The following SOBP variants were observed in gnomAD, a reference collection of about 807,000 sequenced individuals.
The protein encoded by SOBP is sine oculis-binding protein homolog.
A neutral mutation model predicts 53.6 loss-of-function variants in SOBP; 4 were observed. That is an observed-to-expected ratio of 0.07 (90% confidence interval 0.04 to 0.17). SOBP has a LOEUF of 0.17. Among genes scored for constraint, SOBP ranks in the 10% least tolerant of loss-of-function variants. SOBP has a pLI of 1.00. For missense variants in SOBP, 1,088 were observed against 1,204.7 expected, an observed-to-expected ratio of 0.90 and a Z score of 1.43; for synonymous variants, 584 against 522.6, an observed-to-expected ratio of 1.12 and a Z score of -1.60.
rs1027491418 is a variant in SOBP at position 107,660,579 on chromosome 6, A to C, written c.*2376A>C. 6.6e-6 allele frequency among the ~76,000 whole-genome samples: 1 copy of C among 151,868 alleles called. No homozygotes were observed. Among genetic ancestry groups the C allele is most frequent in the Non-Finnish European group, 1.5e-5 (1 of 67,980 alleles). On this transcript the variant is annotated 3_prime_UTR_variant, in exon 7 of 7. Transcript: ENST00000317357. ...TCCACTCACATCCACACACCATCTC[A>C]CCCCACTGACTAGAGAGACTTTTAT...
intron 1 of SOBP, among the ~76,000 whole-genome samples, chr6:107,497,184 A>G (rs1207987392): frequency 6.6e-6 from 1 of 152,254 alleles, no homozygotes; most frequent in African/African-American, 2.4e-5. Flanking sequence ...AGAAATAACC[A>G]TCAGTCTACT....
At chr6:107,512,546 G>T (rs934509173) in intron 3 of SOBP, among the ~76,000 whole-genome samples, 5 of 152,208 alleles carry the variant, frequency 3.3e-5, no homozygotes, top group Non-Finnish European at 7.3e-5. Context: ...CTTTACAAGT[G>T]TAATAGCCCT....
chr6:107,587,191 T>A lies in SOBP; in HGVS notation c.669+16T>A, dbSNP rs376270071. The A allele has an allele frequency of 6.3e-7, 1 of 1,593,860 alleles. No individual in the cohort carries two copies. Among genetic ancestry groups the A allele is most frequent in the Non-Finnish European group, 8.6e-7 (1 of 1,162,678 alleles). On this transcript the variant is annotated intron_variant, in intron 5 of 6. Coordinates refer to ENST00000317357, the MANE Select transcript of SOBP (RefSeq NM_018013.4). ...CGAACTACTTGTAAGAATAACATAC[T>A]TACAACAAGTCTAGAATGTTACTTT...
intron 5 of SOBP, among the ~76,000 whole-genome samples, chr6:107,589,537 C>T (rs774460548): frequency 2.0e-5 from 3 of 152,206 alleles, no homozygotes; most frequent in Non-Finnish European, 4.4e-5. Context: ...AAAGCATTGG[C>T]TGATAGAAAA....
At chr6:107,545,719 A>G (rs999999853) in intron 4 of SOBP, among the ~76,000 whole-genome samples, 2 of 152,034 alleles carry the variant, frequency 1.3e-5, no homozygotes, top group African/African-American at 4.8e-5. Context: ...TACCTGCCTC[A>G]GGTGACTGTG....
intron 4 of SOBP, among the ~76,000 whole-genome samples, chr6:107,553,224 A>T (rs975863533): frequency 2.0e-5 from 3 of 152,004 alleles, no homozygotes; most frequent in Middle Eastern, 6.8e-3. Context: ...GGGAATACAC[A>T]TGCACAGAGA....
chr6:107,508,787 C>G (rs1783073531), intron 3 of SOBP, among the ~76,000 whole-genome samples: 1 of 151,984 alleles, frequency 6.6e-6, no homozygotes, highest in Non-Finnish European at 1.5e-5. Flanking sequence ...TCCCAAGGAC[C>G]AAAGACATAT....
intron 6 of SOBP, among the ~76,000 whole-genome samples, chr6:107,636,550 C>G (rs1326917039): frequency 6.6e-6 from 1 of 152,234 alleles, no homozygotes. Context: ...AGCCCAAGCT[C>G]TCCCGTCTAT....
At chr6:107,598,706 G>A (rs936392964) in intron 5 of SOBP, among the ~76,000 whole-genome samples, 8 of 152,102 alleles carry the variant, frequency 5.3e-5, no homozygotes, top group African/African-American at 1.4e-4. Flanking sequence ...TCTAGAAGGC[G>A]GTTAGAACAG....
In SOBP at chr6:107,650,469, C is replaced by G. The variant is rs149563963; in HGVS notation, c.*4-7738C>G. Among the ~76,000 whole-genome samples, 500 of 152,324 alleles carry G rather than the reference C, an allele frequency of 3.3e-3. 4 individuals are homozygous for G. The highest frequency in any genetic ancestry group is 9.8e-3 in the African/African-American group (409 of 41,572). ...TCTATCAATGCCATTTTTCCAACAG[C>G]ATGTGCTCACTTTATGTCTCTGTGT... On this transcript the variant is annotated intron_variant, in intron 6 of 6. Coordinates refer to ENST00000317357, the MANE Select transcript of SOBP (RefSeq NM_018013.4).
chr6:107,535,929 CTTGT>C (rs746501824), intron 4 of SOBP, among the ~76,000 whole-genome samples: 2 of 152,114 alleles, frequency 1.3e-5, no homozygotes, highest in Non-Finnish European at 2.9e-5. Context: ...TACTTCTCCT[CTTGT>C]ATCATTTAAC....
chr6:107,601,018 C>T (rs118029213), intron 5 of SOBP, among the ~76,000 whole-genome samples: 1,788 of 152,256 alleles, frequency 0.012, 19 homozygotes, highest in Middle Eastern at 0.044. Flanking sequence ...AATAGACACT[C>T]AAGAAATATT....
chr6:107,558,985 A>G (rs1784699947), intron 4 of SOBP, among the ~76,000 whole-genome samples: 1 of 152,118 alleles, frequency 6.6e-6, no homozygotes. Context: ...TAAAAACCCC[A>G]TGAAGACAGT....
At chr6:107,500,683 G>A (rs561226605) in intron 1 of SOBP, among the ~76,000 whole-genome samples, 3 of 151,608 alleles carry the variant, frequency 2.0e-5, no homozygotes, top group South Asian at 2.1e-4. Flanking sequence ...CACTACGCCC[G>A]GCTAATTTTT....
chr6:107,595,978 C>T (rs1416495577), intron 5 of SOBP, among the ~76,000 whole-genome samples: 1 of 152,168 alleles, frequency 6.6e-6, no homozygotes. Context: ...ATTTTTTGCA[C>T]ACTTCCTACA....
At chr6:107,512,389 A>G (rs1783195427) in intron 3 of SOBP, among the ~76,000 whole-genome samples, 1 of 152,252 alleles carries the variant, frequency 6.6e-6, no homozygotes, top group African/African-American at 2.4e-5. Context: ...ACTGTGCTGT[A>G]GTGAGTCTTC....
chr6:107,640,657 A>G (rs1235377920), intron 6 of SOBP, among the ~76,000 whole-genome samples: 1 of 152,212 alleles, frequency 6.6e-6, no homozygotes, highest in Non-Finnish European at 1.5e-5. Flanking sequence ...GTTAACCCTT[A>G]TGACCAGGGA....
At chr6:107,573,454 C>T (rs532319870) in intron 4 of SOBP, among the ~76,000 whole-genome samples, 1 of 152,052 alleles carries the variant, frequency 6.6e-6, no homozygotes, top group East Asian at 1.9e-4. Context: ...TGGGGCACTG[C>T]GCCAGGCATT....
intron 3 of SOBP, among the ~76,000 whole-genome samples, chr6:107,529,838 T>C (rs2114982567): frequency 6.6e-6 from 1 of 152,338 alleles, no homozygotes; most frequent in African/African-American, 2.4e-5. Context: ...AAAAATGTTC[T>C]ATAGCTCTTG....
Sources: allele counts gnomAD v4.1 joint callset (sites outside exome capture counted in the v4.1 genomes callset), GRCh38; gene constraint gnomAD v4.1.1; transcripts MANE v1.5; gene names NCBI Gene and HGNC (gene_info 2026-07-23, HGNC 2026-07-21).